Variants in INTS1 observed in about 807,000 individuals in gnomAD.
The protein encoded by INTS1 is integrator complex subunit 1.
INTS1 carries 137 observed loss-of-function variants against 241.6 expected under a neutral mutation model. The observed-to-expected ratio is 0.57, with a 90% confidence interval of 0.49 to 0.65. The LOEUF (loss-of-function observed/expected upper bound fraction) is 0.65. Among genes scored for constraint, INTS1 ranks in the 30% least tolerant of loss-of-function variants. The probability of loss-of-function intolerance (pLI) is 0.00; values close to 1 mark genes in which losing one functional copy is unlikely to be tolerated. For synonymous variants in INTS1, 1,692 were observed against 1,337.8 expected (o/e 1.26, Z -5.78); for missense variants, 3,073 against 3,032.2 (o/e 1.01, Z -0.32).
chr7:1,499,644 C>A lies in INTS1; in HGVS notation c.685-12G>T, dbSNP rs1300204795. 8 of 1,587,840 alleles carry A rather than the reference C, an allele frequency of 5.0e-6. No homozygotes were observed. Among genetic ancestry groups the A allele is most frequent in the Non-Finnish European group, 6.9e-6 (8 of 1,161,190 alleles). ...TCCTCGATGTACACCTGTGTGGCAGCCACACCCTCAGCCCCGAGCCCAGCC... is the reference window on the plus strand; with the variant it reads ...TCCTCGATGTACACCTGTGTGGCAGACACACCCTCAGCCCCGAGCCCAGCC... On this transcript the variant is annotated splice_polypyrimidine_tract_variant and intron_variant, in intron 5 of 47. Transcript: ENST00000404767.
chr7:1,500,325 G>T lies in INTS1; in HGVS notation c.391C>A (p.Leu131Met). Residue 131 changes from leucine to methionine, a missense_variant, in exon 4 of 48, where the codon CTG becomes ATG. Leu to Met is a conservative substitution (Grantham distance 15). Transcript: ENST00000404767. ...VLLDEIEAAE[L>M]EGNDDRIEGV... The stretch of plus-strand genomic sequence containing the variant: ...TCGATCCTGTCATCGTTGCCCTCCA[G>T]CTCGGCCGCCTCGATCTCATCCAGC... 6.3e-7 allele frequency: 1 copy of T among 1,589,862 alleles called. No homozygotes were observed. The highest frequency in any genetic ancestry group is 1.7e-5 in the Admixed American group (1 of 58,362).
In INTS1 at chr7:1,477,609, G is replaced by A. The variant is rs1167351170; in HGVS notation, c.4879C>T (p.Pro1627Ser). 1.9e-6 allele frequency: 3 copies of A among 1,576,256 alleles called. No individual in the cohort carries two copies. Among genetic ancestry groups the A allele is most frequent in the Admixed American group, 1.8e-5 (1 of 54,498 alleles). Residue 1627 changes from proline (P) to serine (S), a missense_variant, in exon 35 of 48, where the codon CCC (proline) becomes TCC (serine). Transcript: ENST00000404767. ...TCGGGGCAGCTGCTGACCACCTCGG[G>A]GTCCAGCATTTCCAGCCAGTCCACT... The part of the protein sequence containing the change: ...LLVDWLEMLD[P>S]EVVSSCPDLQ...
chr7:1,474,340 G>C lies in INTS1; in HGVS notation c.5657C>G (p.Ala1886Gly). 6.2e-7 allele frequency: 1 copy of C among 1,601,494 alleles called. No homozygotes were observed. The highest frequency in any genetic ancestry group is 8.5e-7 in the Non-Finnish European group (1 of 1,175,732). Residue 1886 changes from alanine (A) to glycine (G), a missense_variant, in exon 41 of 48, where the codon GCG (alanine) becomes GGG (glycine). By Grantham distance (60) the Ala-to-Gly change is moderately conservative (BLOSUM62 0). Transcript: ENST00000404767. Reference sequence around the variant, plus strand: ...GAGGTGGGTGCGGCCGTGCAGGAGCGCCGCGATCATGGGCAGGTGCCTGCG... The same window carrying C: ...GAGGTGGGTGCGGCCGTGCAGGAGCCCCGCGATCATGGGCAGGTGCCTGCG... ...LLLRHLPMIA[A>G]LLHGRTHLNF...
In INTS1 at chr7:1,478,383, G is replaced by A. The variant is rs760159886; in HGVS notation, c.4613C>T (p.Pro1538Leu). 4.1e-5 allele frequency: 66 copies of A among 1,612,618 alleles called. 1 individual carries two copies. In the Admixed American group the frequency reaches 6.0e-4, roughly 15 times the overall value. The change falls in exon 33 of 48, where the codon CCG becomes CTG. Residue 1538 changes from proline (P) to leucine (L), a missense_variant. Coordinates refer to ENST00000404767, the MANE Select transcript of INTS1 (RefSeq NM_001080453.3). ...GAAGGTACCTTTGCTGATCAGGTCC[G>A]GCTCCACGCTGCACTGCTCCCCAGA... is the stretch of plus-strand genomic sequence containing the variant. ...LRSGEQCSVE[P>L]DLISKVLQGL...
At position 1,499,173 on chromosome 7, in the gene INTS1, G is replaced by T; in HGVS notation, c.951-12C>A. 1 of 1,607,114 alleles carries T rather than the reference G, an allele frequency of 6.2e-7. No individual in the cohort carries two copies. The stretch of plus-strand genomic sequence containing the variant: ...CGAGCTCTTCGTACCTAGGCCAGAG[G>T]AGGGAGCGAGGAGGGAGGAAGGTGG... On this transcript the variant is annotated splice_polypyrimidine_tract_variant and intron_variant, in intron 7 of 47. Coordinates refer to ENST00000404767, the MANE Select transcript of INTS1 (RefSeq NM_001080453.3).
intron 26 of INTS1, 158 bp downstream of exon 26, chr7:1,483,584 G>A (rs770907641): frequency 5.9e-6 from 4 of 681,918 alleles, no homozygotes; most frequent in South Asian, 1.5e-5. Context: ...GGGACGGACT[G>A]CAGCCTCCTC....
Position 1,488,805 on chromosome 7 carries a change from G to A in INTS1, c.2318+539C>T, listed in dbSNP as rs530297998. 1.1e-4 allele frequency among the ~76,000 whole-genome samples: 16 copies of A among 152,292 alleles called. No homozygotes were observed. The East Asian group carries it at 3.1e-3, about 29-fold the overall frequency. ...CCCACACTGTGTGGGCACCAATGCT[G>A]CCAGGCACAGCTGGTGGTGAGCCCT... On this transcript the variant is annotated intron_variant, in intron 18 of 47. Transcript: ENST00000404767.
intron 11 of INTS1, 35 bp from the exon 12 acceptor site, chr7:1,496,299 G>A (rs1782851381): frequency 6.5e-7 from 1 of 1,529,238 alleles, no homozygotes; most frequent in African/African-American, 1.4e-5. Context: ...ATCCAGAAGG[G>A]ACACCCGGGA....
In INTS1 at chr7:1,478,491, A is replaced by G. The variant is rs1201654324; in HGVS notation, c.4505T>C (p.Leu1502Pro). ...GAAGGCCAGGGCCTCGGCCAGGCGC[A>G]GGAGCCCCCCTCGCACTGTGGGAGG... ...RRLSDVRGGL[L>P]RLAEALAFRQ... The change falls in exon 33 of 48, where the codon CTG becomes CCG. Residue 1502 changes from leucine to proline, a missense_variant. Transcript: ENST00000404767. 2 of 1,611,122 alleles carry G rather than the reference A, an allele frequency of 1.2e-6. No individual in the cohort carries two copies. Among genetic ancestry groups the G allele is most frequent in the Non-Finnish European group, 1.7e-6 (2 of 1,179,584 alleles).
Position 1,497,020 on chromosome 7 carries a change from C to T in INTS1, c.1602+118G>A, listed in dbSNP as rs750482291. On this transcript the variant is annotated intron_variant, in intron 11 of 47. Transcript: ENST00000404767. This position sits in a 1 kb window ranked among gnomAD's most constrained non-coding sequence, Gnocchi z 5.3. ...GCAAACAGCCTCACTCATCCCCGTA[C>T]CCACGCTCAGCCAGAGCATCCGAAG... 79 of 1,054,662 alleles carry T rather than the reference C, an allele frequency of 7.5e-5. No homozygotes were observed. The highest frequency in any genetic ancestry group is 1.0e-4 in the Non-Finnish European group (77 of 747,512). The allele number at this position is 1,054,662 out of a possible 1,614,324, so 65.3% of individuals were successfully genotyped here.
chr7:1,478,418 G>A lies in INTS1; in HGVS notation c.4578C>T (p.Ala1526=). 1 of 1,612,724 alleles carries A rather than the reference G, an allele frequency of 6.2e-7. No homozygotes were observed. The highest frequency in any genetic ancestry group is 8.5e-7 in the Non-Finnish European group (1 of 1,179,832). Residue 1526 remains alanine, a synonymous_variant, in exon 33 of 48, where the codon GCC becomes GCT. Coordinates refer to ENST00000404767, the MANE Select transcript of INTS1 (RefSeq NM_001080453.3). ...VVSSTVRAVI[A]TLRSGEQCSV... is the part of the protein sequence containing the mutation. ...TGCACTGCTCCCCAGACCTCAGGGT[G>A]GCGATGACGGCACGGACGGTGGAGC...
rs373264112 is a variant in INTS1, at chr7:1,471,216, C to T, written c.6264G>A (p.Leu2088=). 16 of 1,577,464 alleles carry T rather than the reference C, an allele frequency of 1.0e-5. No homozygotes were observed. In the African/African-American group the frequency reaches 1.9e-4, roughly 19 times the overall value. Residue 2088 remains leucine, a synonymous_variant, in exon 46 of 48, where the codon CTG becomes CTA. Coordinates refer to ENST00000404767, the MANE Select transcript of INTS1 (RefSeq NM_001080453.3). ...CCTCGGCCGAGCTCATCAGCCGCTGCAGGTTGGTCTGACCGGGGGAAAGGT... is the reference window on the plus strand; with the variant it reads ...CCTCGGCCGAGCTCATCAGCCGCTGTAGGTTGGTCTGACCGGGGGAAAGGT... ...PEILSFFSTN[L]QRLMSSAEEC... is the part of the protein sequence containing the mutation.
At chr7:1,500,559 C>G (rs1218990045) in intron 3 of INTS1, among the ~76,000 whole-genome samples, 193 bp from the exon 4 acceptor site, 1 of 152,174 alleles carries the variant, frequency 6.6e-6, no homozygotes, top group African/African-American at 2.4e-5. Context: ...CAACAGGCTG[C>G]CCCACAGGCC....
At chr7:1,502,819 G>C (rs909596229) in intron 3 of INTS1, 82 bp downstream of exon 3, 1 of 1,486,540 alleles carries the variant, frequency 6.7e-7, no homozygotes, top group African/African-American at 1.4e-5. Flanking sequence ...GCAGCACTAG[G>C]CCTGGAGGGG....
chr7:1,484,960 G>A (rs1469524957), intron 24 of INTS1, 138 bp downstream of exon 24: 2 of 451,468 alleles, frequency 4.4e-6, no homozygotes, highest in Non-Finnish European at 8.1e-6. Context: ...CCCCTCCCCA[G>A]GGCCACACTG....
At chr7:1,488,518 C>T (rs554093207) in intron 18 of INTS1, among the ~76,000 whole-genome samples, 1 of 152,272 alleles carries the variant, frequency 6.6e-6, no homozygotes, top group East Asian at 1.9e-4. Flanking sequence ...CACCCACTCC[C>T]CACAACACAC....
At chr7:1,483,656 G>T (rs755537283) in intron 26 of INTS1, 86 bp downstream of exon 26, 1 of 1,026,352 alleles carries the variant, frequency 9.7e-7, no homozygotes, top group South Asian at 1.3e-5. Context: ...CAGAAGCAAG[G>T]CAAGGATGCG....
intron 33 of INTS1, 92 bp from the exon 34 acceptor site, chr7:1,478,028 G>T: frequency 9.5e-7 from 1 of 1,054,090 alleles, no homozygotes; most frequent in Non-Finnish European, 1.4e-6. Context: ...GGTGTGGGGT[G>T]AGCATGTGTG....
rs1047370038 is a variant in INTS1 at position 1,478,786 on chromosome 7, G to A, written c.4429C>T (p.Leu1477=). Residue 1477 remains leucine, a synonymous_variant, in exon 32 of 48, where the codon CTG becomes TTG. Transcript: ENST00000404767. ...GCAAGCATCCTGAGCTGTGCCCGCA[G>A]GGGCCCGCCCTCCACGCCAGGGCTG... ...LDSPGVEGGP[L]RAQLRMLASQ... is the part of the protein sequence containing the mutation. 5 of 1,604,392 alleles carry A rather than the reference G, an allele frequency of 3.1e-6. No individual in the cohort carries two copies. In the African/African-American group the frequency reaches 5.4e-5, roughly 17 times the overall value.
Sources: gnomAD v4.1 joint callset for allele counts (sites outside exome capture counted in the v4.1 genomes callset) on GRCh38, gnomAD v4.1.1 for gene constraint, Gnocchi (gnomAD v3.1) non-coding constraint, MANE v1.5 for transcripts, NCBI Gene and HGNC (gene_info 2026-07-23, HGNC 2026-07-21) for gene names.